The following HSD17B4 variants were observed in gnomAD, a reference collection of about 807,000 sequenced individuals.
HSD17B4 encodes the protein hydroxysteroid 17-beta dehydrogenase 4.
A neutral mutation model predicts 101.0 loss-of-function variants in HSD17B4; 70 were observed. That is an observed-to-expected ratio of 0.69 (90% CI 0.57 to 0.85). The LOEUF (loss-of-function observed/expected upper bound fraction) is 0.85, where lower values mean the gene tolerates loss of function less well. HSD17B4 is among the 40% of genes least tolerant of loss of function. HSD17B4 has a pLI of 0.00. For synonymous variants in HSD17B4, 347 were observed against 297.1 expected (o/e 1.17, Z -1.73); for missense variants, 984 against 892.4 (o/e 1.10, Z -1.31).
intron 11 of HSD17B4, among the ~76,000 whole-genome samples, chr5:119,495,200 T>C (rs1295112593): frequency 6.6e-6 from 1 of 152,144 alleles, no homozygotes; most frequent in Non-Finnish European, 1.5e-5. Context: ...ATTCTATGAA[T>C]AACAGTCACT....
At chr5:119,509,432 T>A in intron 16 of HSD17B4, 188 bp downstream of exon 16, 1 of 695,572 alleles carries the variant, frequency 1.4e-6, no homozygotes, top group Non-Finnish European at 2.6e-6. Flanking sequence ...CTCCTCAGCC[T>A]ACCCAATGTG....
At chr5:119,509,556 CTCT>C (rs1293807431) in intron 16 of HSD17B4, 9 of 421,788 alleles carry the variant, frequency 2.1e-5, no homozygotes, top group East Asian at 5.7e-5. Context: ...TTTCTTCTTC[CTCT>C]TCTTCTTTTT....
intron 2 of HSD17B4, among the ~76,000 whole-genome samples, chr5:119,461,213 T>C (rs972857334): frequency 9.9e-5 from 15 of 152,214 alleles, no homozygotes; most frequent in Non-Finnish European, 1.5e-4. Flanking sequence ...TCATATCTTA[T>C]GTAACAAAGA....
chr5:119,486,575 G>T (rs1383440818), intron 8 of HSD17B4, among the ~76,000 whole-genome samples: 1 of 151,992 alleles, frequency 6.6e-6, no homozygotes, highest in African/African-American at 2.4e-5. Flanking sequence ...TGGGGGAATT[G>T]TACTTTGTCT....
intron 14 of HSD17B4, among the ~76,000 whole-genome samples, chr5:119,503,684 A>G (rs1751395965): frequency 6.6e-6 from 1 of 151,360 alleles, no homozygotes; most frequent in African/African-American, 2.4e-5. Flanking sequence ...TACCCTAATC[A>G]TGTTAAAAAT....
chr5:119,533,289 C>CTTT (rs34132585), intron 22 of HSD17B4, among the ~76,000 whole-genome samples: 51 of 147,728 alleles, frequency 3.5e-4, no homozygotes, highest in African/African-American at 1.1e-3. Context: ...GACAGGATGC[C>CTTT]TTTTTTTTTT....
At chr5:119,531,716 T>G (rs554599893) in intron 22 of HSD17B4, among the ~76,000 whole-genome samples, 1 of 152,204 alleles carries the variant, frequency 6.6e-6, no homozygotes, top group African/African-American at 2.4e-5. Context: ...CATCTTTATC[T>G]AATCTTCAGC....
At chr5:119,501,374 G>A (rs1751150209) in intron 13 of HSD17B4, among the ~76,000 whole-genome samples, 1 of 149,872 alleles carries the variant, frequency 6.7e-6, no homozygotes, top group Non-Finnish European at 1.5e-5. Context: ...CTGGCCCTCT[G>A]CAGTGAAAGT....
At position 119,473,820 on chromosome 5, in the gene HSD17B4, T is replaced by C. The variant is rs148111337; in HGVS notation, c.113-88T>C. The C allele has an allele frequency of 1.6e-5, 13 of 798,830 alleles. No individual in the cohort carries two copies. In the East Asian group the frequency reaches 2.0e-4, roughly 12 times the overall value. 49.5% of individuals were successfully genotyped at this position (798,830 alleles called of 1,614,324 possible). On this transcript the variant is annotated intron_variant, in intron 2 of 23. Coordinates refer to ENST00000510025, the MANE Select transcript of HSD17B4 (RefSeq NM_000414.4). ...GCAGATGACTGAAGAGATGTGCTAG[T>C]AATTAGAATTTCATTTTCCACACAC... is the stretch of plus-strand genomic sequence containing the variant.
In HSD17B4 at chr5:119,474,453, A is replaced by T. The variant is rs1198454077; in HGVS notation, c.273A>T (p.Gly91=). The change falls in exon 4 of 24, where the codon GGA becomes GGT. Residue 91 remains glycine (G), a synonymous_variant. Coordinates refer to ENST00000510025, the MANE Select transcript of HSD17B4 (RefSeq NM_000414.4). The part of the protein sequence containing the change: ...KVVKTALDAF[G]RIDVVVNNAG... ...TGAAGACAGCCCTGGATGCTTTTGG[A>T]AGAATAGGTGATGTTTCTTTGTGTT... 1 of 1,597,276 alleles carries T rather than the reference A, an allele frequency of 6.3e-7. No individual in the cohort carries two copies. Among genetic ancestry groups the T allele is most frequent in the African/African-American group, 1.3e-5 (1 of 74,722 alleles).
At chr5:119,474,932 C>T (rs1287239697) in intron 4 of HSD17B4, among the ~76,000 whole-genome samples, 10 of 151,984 alleles carry the variant, frequency 6.6e-5, no homozygotes, top group Non-Finnish European at 1.3e-4. Flanking sequence ...TTTGTTATTT[C>T]TGTAGCTAAT....
At chr5:119,501,149 C>T (rs1751123484) in intron 13 of HSD17B4, among the ~76,000 whole-genome samples, 1 of 152,042 alleles carries the variant, frequency 6.6e-6, no homozygotes, top group East Asian at 1.9e-4. Flanking sequence ...AAAATTAAAA[C>T]AAATGTTTCA....
intron 17 of HSD17B4, among the ~76,000 whole-genome samples, chr5:119,516,960 C>T (rs533448318): frequency 3.3e-5 from 5 of 152,358 alleles, no homozygotes; most frequent in South Asian, 2.1e-4. Context: ...TCACAGCCCT[C>T]GCTCGCTCTC....
chr5:119,465,550 C>T, intron 2 of HSD17B4, among the ~76,000 whole-genome samples: 1 of 152,162 alleles, frequency 6.6e-6, no homozygotes, highest in African/African-American at 2.4e-5. Context: ...GCCCACAGAG[C>T]TATGTTCCAA....
At chr5:119,496,756 GTTAC>G (rs1163354119) in intron 12 of HSD17B4, 110 bp downstream of exon 12, 5 of 780,624 alleles carry the variant, frequency 6.4e-6, no homozygotes, top group African/African-American at 1.7e-5. Context: ...TTTGGATGCA[GTTAC>G]TTTCTTTCAG....
chr5:119,535,203 C>CT (rs567657080), intron 22 of HSD17B4, among the ~76,000 whole-genome samples: 11 of 152,012 alleles, frequency 7.2e-5, no homozygotes, highest in Admixed American at 6.6e-5. Context: ...AAGACATTCT[C>CT]TTATCTATTC....
intron 23 of HSD17B4, among the ~76,000 whole-genome samples, chr5:119,540,489 C>A (rs1754900863): frequency 6.6e-6 from 1 of 152,158 alleles, no homozygotes. Context: ...ATTAGGTGTT[C>A]TTGTTTTAGG....
At chr5:119,469,730 G>C (rs1027284612) in intron 2 of HSD17B4, among the ~76,000 whole-genome samples, 2 of 152,186 alleles carry the variant, frequency 1.3e-5, no homozygotes, top group Non-Finnish European at 2.9e-5. Context: ...CCCCTTTTAT[G>C]AATTAACTTT....
intron 17 of HSD17B4, 117 bp from the exon 18 acceptor site, chr5:119,525,099 G>A (rs1430300477): frequency 1.5e-6 from 1 of 674,190 alleles, no homozygotes; most frequent in Admixed American, 2.4e-5. Context: ...TAAAATCAGA[G>A]CCTCAGGTAC....
Sources: allele counts gnomAD v4.1 joint callset (sites outside exome capture counted in the v4.1 genomes callset), GRCh38; gene constraint gnomAD v4.1.1; transcripts MANE v1.5; gene names NCBI Gene and HGNC (gene_info 2026-07-23, HGNC 2026-07-21).